Variants in ARPC2 observed in about 807,000 individuals in gnomAD.
The protein encoded by ARPC2 is actin-related protein 2/3 complex subunit 2.
A neutral mutation model predicts 38.6 loss-of-function variants in ARPC2; 4 were observed. That is an observed-to-expected ratio of 0.10 (90% confidence interval 0.05 to 0.24). ARPC2 has a LOEUF of 0.24. ARPC2 is among the 10% of genes least tolerant of loss of function. ARPC2 has a pLI of 1.00. For missense variants in ARPC2, 229 were observed against 387.3 expected (o/e 0.59, Z 3.43); for synonymous variants, 125 against 140.8 (o/e 0.89, Z 0.79).
At chr2:218,234,604 G>A in intron 5 of ARPC2, 2 of 575,024 alleles carry the variant, frequency 3.5e-6, no homozygotes, top group Non-Finnish European at 6.2e-6. Flanking sequence ...GTACAAAATT[G>A]ATGTGTGACA....
intron 2 of ARPC2, 89 bp downstream of exon 2, chr2:218,217,633 G>T: frequency 7.5e-7 from 1 of 1,340,696 alleles, no homozygotes. Context: ...CAGACCTGGA[G>T]GAGAGAAATG....
intron 2 of ARPC2, among the ~76,000 whole-genome samples, chr2:218,218,695 A>G (rs1288928298): frequency 6.6e-6 from 1 of 152,218 alleles, no homozygotes; most frequent in East Asian, 1.9e-4. Flanking sequence ...GGTAGAGGGG[A>G]ATTTTTAAGT....
At chr2:218,236,944 G>A (rs1322928390) in intron 5 of ARPC2, among the ~76,000 whole-genome samples, 1 of 152,166 alleles carries the variant, frequency 6.6e-6, no homozygotes, top group African/African-American at 2.4e-5. Context: ...CAGTGATGTA[G>A]AAATATTCTT....
In ARPC2 at chr2:218,251,062, G is replaced by C. The variant is rs567087669; in HGVS notation, c.878+1141G>C. Among the ~76,000 whole-genome samples, 18 of 151,708 alleles carry C rather than the reference G, an allele frequency of 1.2e-4. No individual in the cohort carries two copies. In the East Asian group the frequency reaches 3.3e-3, roughly 28 times the overall value. ...TGTTGCCCAGGCTGGTCTAGAACTC[G>C]TGAGCTCAGGCAGTCCACCCACCTC... On this transcript the variant is annotated intron_variant, in intron 10 of 10. Transcript: ENST00000315717.
In ARPC2 at chr2:218,245,561, C is replaced by T. The variant is rs546535258; in HGVS notation, c.676+15C>T. 6.2e-7 allele frequency: 1 copy of T among 1,613,912 alleles called. No homozygotes were observed. The highest frequency in any genetic ancestry group is 1.1e-5 in the South Asian group (1 of 91,062). On this transcript the variant is annotated intron_variant, in intron 8 of 10. Transcript: ENST00000315717. Reference sequence around the variant, plus strand: ...CATTACCTTTGGTGAGCAGGGTGCACTTGCTGCTTTTGTGCCGCTTTAATG... The same window carrying T: ...CATTACCTTTGGTGAGCAGGGTGCATTTGCTGCTTTTGTGCCGCTTTAATG...
At position 218,245,882 on chromosome 2, in the gene ARPC2, C is replaced by T. The variant is rs142766728; in HGVS notation, c.676+336C>T. On this transcript the variant is annotated intron_variant, in intron 8 of 10. Transcript: ENST00000315717. ...CTATAGCTACTTCCTCAGTAGGAGA[C>T]GTCCTTAGGTTGCTGGTTCGATTCC... Among the ~76,000 whole-genome samples, 388 of 152,204 alleles carry T rather than the reference C, an allele frequency of 2.5e-3. 1 individual carries two copies. Among genetic ancestry groups the T allele is most frequent in the African/African-American group, 7.9e-3 (329 of 41,530 alleles).
intron 1 of ARPC2, 95 bp downstream of exon 1, chr2:218,217,349 C>G (rs1011722301): frequency 1.1e-6 from 1 of 923,118 alleles, no homozygotes; most frequent in Non-Finnish European, 1.7e-6. Context: ...TCCCCTTCTC[C>G]CCTAACCTCC....
In ARPC2 at chr2:218,230,287, C is replaced by CTTTTTTTTTTTTTTTTTTTTTT. The variant is rs768585570; in HGVS notation, c.222+1440_222+1461dup. The stretch of plus-strand genomic sequence containing the variant: ...GTGCCCAGCCTTTTCTTTTTTTTTT[C>CTTTTTTTTTTTTTTTTTTTTTT]TTTTTTTTTTTTTTTTTTTTTTTTG... On this transcript the variant is annotated intron_variant, in intron 4 of 10. Transcript: ENST00000315717. Among the ~76,000 whole-genome samples, 7 of 73,012 alleles carry CTTTTTTTTTTTTTTTTTTTTTT rather than the reference C, an allele frequency of 9.6e-5. 1 individual carries two copies. Among genetic ancestry groups the CTTTTTTTTTTTTTTTTTTTTTT allele is most frequent in the East Asian group, 4.6e-4 (1 of 2,196 alleles). The allele number at this position is 73,012 out of a possible 152,430, so 47.9% of individuals were successfully genotyped here. A position where few individuals can be genotyped will look rare whatever the true frequency, so the allele number is the denominator to read the frequency against.
chr2:218,230,614 A>C (rs1689613025), intron 4 of ARPC2, among the ~76,000 whole-genome samples: 1 of 152,088 alleles, frequency 6.6e-6, no homozygotes, highest in African/African-American at 2.4e-5. Context: ...GCTGCTTTGG[A>C]TCAGCTATAA....
At position 218,248,553 on chromosome 2, in the gene ARPC2, C is replaced by G. The variant is rs530377481; in HGVS notation, c.677-811C>G. Among the ~76,000 whole-genome samples, 29 of 152,278 alleles carry G rather than the reference C, an allele frequency of 1.9e-4. 1 individual carries two copies. The highest frequency in any genetic ancestry group is 7.8e-4 in the Admixed American group (12 of 15,296). On this transcript the variant is annotated intron_variant, in intron 8 of 10. Transcript: ENST00000315717. ...TTGGCTCACTGCAACCTCCACCCCC[C>G]GGGTTTAAGCGATTCTCCTGCCTCA...
intron 8 of ARPC2, among the ~76,000 whole-genome samples, chr2:218,245,874 G>A (rs564135061): frequency 3.9e-5 from 6 of 152,250 alleles, no homozygotes; most frequent in Admixed American, 3.9e-4. Context: ...TACTTCCTCA[G>A]TAGGAGACGT....
rs570622758 is a variant in ARPC2 at position 218,238,968 on chromosome 2, A to G, written c.455+118A>G. ...TGTATTGCGTGAAAATGTTTTTCTC[A>G]TAAAATGTCTTAAGCCAGGAAGTAG... On this transcript the variant is annotated intron_variant, in intron 6 of 10. Coordinates refer to ENST00000315717, the MANE Select transcript of ARPC2 (RefSeq NM_152862.3). 50 of 860,448 alleles carry G rather than the reference A, an allele frequency of 5.8e-5. No homozygotes were observed. The East Asian group carries it at 1.3e-3, about 22-fold the overall frequency. 53.3% of individuals were successfully genotyped at this position (860,448 alleles called of 1,614,324 possible).
chr2:218,249,269 C>T, intron 8 of ARPC2, 95 bp from the exon 9 acceptor site: 1 of 810,742 alleles, frequency 1.2e-6, no homozygotes, highest in Non-Finnish European at 2.0e-6. Context: ...TGTACTTAAG[C>T]AGAGAGGGAG....
intron 5 of ARPC2, among the ~76,000 whole-genome samples, chr2:218,237,523 ATT>A (rs535177958): frequency 1.5e-5 from 2 of 132,436 alleles, no homozygotes; most frequent in Non-Finnish European, 1.6e-5. Flanking sequence ...CCCACCACCA[ATT>A]TTTTTTTTTT....
chr2:218,224,129 A>G (rs1553646326), intron 2 of ARPC2, among the ~76,000 whole-genome samples: 1 of 152,186 alleles, frequency 6.6e-6, no homozygotes, highest in Non-Finnish European at 1.5e-5. Context: ...CAGACCACTT[A>G]AGATCGATCG....
intron 10 of ARPC2, chr2:218,252,813 G>A (rs1690225017): frequency 4.5e-6 from 2 of 439,904 alleles, no homozygotes; most frequent in Admixed American, 2.4e-5. Context: ...GTGCAGTTGT[G>A]TAGCGGGCAG....
At chr2:218,233,496 G>A (rs185471740) in intron 4 of ARPC2, 2 of 152,120 alleles carry the variant, frequency 1.3e-5, no homozygotes, top group East Asian at 3.9e-4. Context: ...GTAGCCAGCA[G>A]TAGGTTCTGG....
At chr2:218,234,303 A>T (rs746252557) in intron 4 of ARPC2, 49 bp from the exon 5 acceptor site, 16 of 1,405,882 alleles carry the variant, frequency 1.1e-5, no homozygotes, top group Non-Finnish European at 1.5e-5. Flanking sequence ...TGAAATTATC[A>T]TGGCCTTTGG....
chr2:218,242,916 CGTGTTTT>C (rs1689947868), intron 7 of ARPC2, among the ~76,000 whole-genome samples: 1 of 152,048 alleles, frequency 6.6e-6, no homozygotes. Flanking sequence ...GTCATTGGAC[CGTGTTTT>C]GTGGGGTTTT....
Sources: gnomAD v4.1 joint callset for allele counts (sites outside exome capture counted in the v4.1 genomes callset) on GRCh38, gnomAD v4.1.1 for gene constraint, MANE v1.5 for transcripts, NCBI Gene and HGNC (gene_info 2026-07-23, HGNC 2026-07-21) for gene names.